RANBP2: variants seen among roughly 807,000 people sequenced by gnomAD.
The protein encoded by RANBP2 is RAN binding protein 2.
RANBP2 carries 57 observed loss-of-function variants against 303.6 expected under a neutral mutation model. The observed-to-expected ratio is 0.19, with a 90% CI of 0.15 to 0.23. The LOEUF (loss-of-function observed/expected upper bound fraction) is 0.23, where lower values mean the gene tolerates loss of function less well. RANBP2 is among the 10% of genes least tolerant of loss of function. The pLI is 1.00. For missense variants in RANBP2, 3,138 were observed against 3,780.8 expected (o/e 0.83, Z 4.46); for synonymous variants, 1,167 against 1,301.5 (o/e 0.90, Z 2.23).
At chr2:109,638,909 T>C in the RANBP2 span, among the ~76,000 whole-genome samples, 2 of 152,146 alleles carry the variant, frequency 1.3e-5, no homozygotes, top group African/African-American at 4.8e-5. Flanking sequence ...TTGGCATACA[T>C]AGAGACTGGA....
the RANBP2 span, among the ~76,000 whole-genome samples, chr2:108,954,432 G>T: frequency 6.6e-6 from 1 of 152,170 alleles, no homozygotes. Context: ...CTTTGGATAG[G>T]TGTGGTGGTC....
At chr2:108,956,067 A>G in the RANBP2 span, among the ~76,000 whole-genome samples, 1 of 151,962 alleles carries the variant, frequency 6.6e-6, no homozygotes, top group African/African-American at 2.4e-5. Flanking sequence ...AGATTAAAAC[A>G]CTGTTCGGGC....
At chr2:109,250,271 C>T in the RANBP2 span, among the ~76,000 whole-genome samples, 22 of 152,206 alleles carry the variant, frequency 1.4e-4, no homozygotes, top group South Asian at 4.4e-3. Flanking sequence ...ACTTTGGAAG[C>T]CCTGGGGAAG....
chr2:108,721,765 A>G (rs1213531199), intron 1 of RANBP2, among the ~76,000 whole-genome samples: 1 of 152,016 alleles, frequency 6.6e-6, no homozygotes, highest in Admixed American at 6.6e-5. Flanking sequence ...TTTTTGAGAC[A>G]AGGTCTCTTT....
At chr2:108,888,496 G>A in the RANBP2 span, among the ~76,000 whole-genome samples, 1 of 151,750 alleles carries the variant, frequency 6.6e-6, no homozygotes, top group African/African-American at 2.4e-5. Context: ...TTTAGTCCTG[G>A]GCTTTTTTTG....
At chr2:109,545,712 C>CTAAT in the RANBP2 span, 30 of 1,453,308 alleles carry the variant, frequency 2.1e-5, no homozygotes, top group Middle Eastern at 2.5e-4. Flanking sequence ...GGTCAGCAGC[C>CTAAT]ATTAGCTGTG....
chr2:108,788,342 C>A (rs1054549414), downstream of RANBP2, among the ~76,000 whole-genome samples: 1 of 151,862 alleles, frequency 6.6e-6, no homozygotes, highest in East Asian at 1.9e-4. Context: ...ATCGGTTGAA[C>A]CCGGGAGGCA....
chr2:109,291,280 CTTT>C, the RANBP2 span, among the ~76,000 whole-genome samples: 51 of 137,198 alleles, frequency 3.7e-4, no homozygotes, highest in Admixed American at 5.1e-4. Flanking sequence ...AGAGTAATCT[CTTT>C]TTTTTTTTTT....
the RANBP2 span, among the ~76,000 whole-genome samples, chr2:108,827,569 C>T: frequency 4.3e-4 from 66 of 151,868 alleles, no homozygotes; most frequent in Non-Finnish European, 6.8e-4. Context: ...GTAATCCCAG[C>T]ACTTTGGGAG....
At chr2:109,356,597 G>T in the RANBP2 span, among the ~76,000 whole-genome samples, 1 of 152,182 alleles carries the variant, frequency 6.6e-6, no homozygotes, top group African/African-American at 2.4e-5. Context: ...CTCAGCCAAA[G>T]GCCCATCCCA....
the RANBP2 span, among the ~76,000 whole-genome samples, chr2:109,044,231 A>G: frequency 6.6e-6 from 1 of 152,224 alleles, no homozygotes; most frequent in Non-Finnish European, 1.5e-5. Context: ...TTTAAAAAAT[A>G]AAAGTAATAC....
At chr2:108,737,218 G>A (rs1240489380) in intron 6 of RANBP2, among the ~76,000 whole-genome samples, 3 of 151,898 alleles carry the variant, frequency 2.0e-5, no homozygotes, top group African/African-American at 7.3e-5. Flanking sequence ...AAACATGTAG[G>A]ATGTTTTATT....
At chr2:109,615,714 G>A in the RANBP2 span, 2 of 1,613,632 alleles carry the variant, frequency 1.2e-6, no homozygotes, top group Non-Finnish European at 8.5e-7. Context: ...CGCGGGTAGC[G>A]GCGGCGGGCG....
the RANBP2 span, among the ~76,000 whole-genome samples, chr2:109,443,857 T>G: frequency 6.6e-6 from 1 of 152,190 alleles, no homozygotes; most frequent in African/African-American, 2.4e-5. Flanking sequence ...TGGTAAAAAT[T>G]TAAAACATTA....
the RANBP2 span, among the ~76,000 whole-genome samples, chr2:108,836,255 A>T: frequency 6.6e-6 from 1 of 152,206 alleles, no homozygotes; most frequent in African/African-American, 2.4e-5. Flanking sequence ...GAATCATAAT[A>T]GTATTTGCCT....
chr2:109,428,595 C>A, the RANBP2 span, among the ~76,000 whole-genome samples: 1 of 152,236 alleles, frequency 6.6e-6, no homozygotes, highest in African/African-American at 2.4e-5. Context: ...AACCTGCCCT[C>A]AAGAGGCGCT....
the RANBP2 span, chr2:109,546,042 CCT>C: frequency 6.4e-7 from 1 of 1,559,310 alleles, no homozygotes; most frequent in Non-Finnish European, 8.6e-7. Context: ...GGTGGCTGGG[CCT>C]CTTACTTCTT....
At position 108,782,446 on chromosome 2, in the gene RANBP2, T is replaced by C. The variant is rs763133198; in HGVS notation, c.9034+45T>C. 4.3e-6 allele frequency: 7 copies of C among 1,613,822 alleles called. No homozygotes were observed. The Admixed American group carries it at 1.2e-4, about 27-fold the overall frequency. On this transcript the variant is annotated intron_variant, in intron 27 of 28. Coordinates refer to ENST00000283195, the MANE Select transcript of RANBP2 (RefSeq NM_006267.5). ...TGCTACTTTTCATTTTTTGGACTTT[T>C]CTAAAATCTATAACAAACAAAACAA...
chr2:109,045,264 T>C, the RANBP2 span, among the ~76,000 whole-genome samples: 3 of 152,132 alleles, frequency 2.0e-5, no homozygotes, highest in Non-Finnish European at 4.4e-5. Context: ...GGGCTGCCTC[T>C]TGGTGATGTT....
Sources: allele counts gnomAD v4.1 joint callset (sites outside exome capture counted in the v4.1 genomes callset), GRCh38; gene constraint gnomAD v4.1.1; transcripts MANE v1.5; gene names NCBI Gene and HGNC (gene_info 2026-07-23, HGNC 2026-07-21).